SCIN: variants seen among roughly 807,000 people sequenced by gnomAD.
SCIN encodes scinderin, also known as adseverin.
Under a neutral mutation model 91.8 loss-of-function variants are expected in SCIN, and 91 were observed. That is an observed-to-expected ratio of 0.99 (90% CI 0.84 to 1.18). The LOEUF is 1.18. Among genes scored for constraint, SCIN ranks in the 50% most tolerant of loss-of-function variants. The pLI, the probability that SCIN is intolerant of heterozygous loss-of-function variation, is 0.00. For missense variants in SCIN, 1,087 were observed against 863.9 expected, an observed-to-expected ratio of 1.26 and a Z score of -3.24; for synonymous variants, 367 against 312.6, an observed-to-expected ratio of 1.17 and a Z score of -1.84.
At chr7:12,605,653 C>T (rs1263899447) in intron 4 of SCIN, among the ~76,000 whole-genome samples, 1 of 152,070 alleles carries the variant, frequency 6.6e-6, no homozygotes, top group African/African-American at 2.4e-5. Context: ...GGTGGAATTT[C>T]CACTTGTGGC....
At chr7:12,571,513 G>T in intron 1 of SCIN, 1 of 406,648 alleles carries the variant, frequency 2.5e-6, no homozygotes, top group Non-Finnish European at 5.0e-6. Flanking sequence ...CTATGATTGC[G>T]GGAATTATTG....
intron 4 of SCIN, among the ~76,000 whole-genome samples, chr7:12,618,590 G>C (rs1038518007): frequency 1.3e-5 from 2 of 152,060 alleles, no homozygotes; most frequent in African/African-American, 4.8e-5. Context: ...GGCTAAATAA[G>C]ACCACAGCTT....
chr7:12,636,525 G>C (rs959995303), intron 10 of SCIN, among the ~76,000 whole-genome samples: 1 of 152,132 alleles, frequency 6.6e-6, no homozygotes, highest in Non-Finnish European at 1.5e-5. Flanking sequence ...CAGGACCTGT[G>C]AGTGTGATAT....
intron 2 of SCIN, among the ~76,000 whole-genome samples, chr7:12,579,743 C>G (rs73062639): frequency 0.34 from 51,543 of 151,980 alleles, 9,350 homozygotes; most frequent in Middle Eastern, 0.44. Context: ...TGGTGAAACT[C>G]CCTCTACTAA....
intron 6 of SCIN, among the ~76,000 whole-genome samples, chr7:12,625,457 G>A (rs1348483662): frequency 1.3e-4 from 10 of 75,320 alleles, no homozygotes; most frequent in African/African-American, 2.2e-4. Context: ...TTTTTCCGTC[G>A]CCCAGGCTGG....
At position 12,651,834 on chromosome 7, in the gene SCIN, T is replaced by G; in HGVS notation, c.1960-7T>G. 1 of 1,554,820 alleles carries G rather than the reference T, an allele frequency of 6.4e-7. No homozygotes were observed. Among genetic ancestry groups the G allele is most frequent in the Non-Finnish European group, 8.8e-7 (1 of 1,135,520 alleles). ...ATCATACATATTGTTATTGTTTCAT[T>G]TTTCAGATATTTATTTGGATTGGCA... On this transcript the variant is annotated splice_polypyrimidine_tract_variant and splice_region_variant and intron_variant, in intron 14 of 15. Transcript: ENST00000297029. This position sits in a 1 kb window ranked among gnomAD's most constrained non-coding sequence, Gnocchi z 5.9.
chr7:12,571,644 T>G, intron 1 of SCIN: 1 of 453,164 alleles, frequency 2.2e-6, no homozygotes, highest in Non-Finnish European at 4.5e-6. Flanking sequence ...AAAATACAGA[T>G]ATTTTATATA....
chr7:12,653,657 G>A lies in SCIN; in HGVS notation c.*942G>A, dbSNP rs574854752. 21 of 152,172 alleles carry A rather than the reference G, an allele frequency of 1.4e-4. No individual in the cohort carries two copies. The South Asian group carries it at 3.7e-3, about 27-fold the overall frequency. The allele number at this position is 152,172 out of a possible 1,614,324, so 9.4% of individuals were successfully genotyped here. A position where few individuals can be genotyped will look rare whatever the true frequency, so the allele number is the denominator to read the frequency against. ...GTTATCCACTTAGATACATGTACAT[G>A]TACAGTACATGTTTAATATCACAGG... is the stretch of plus-strand genomic sequence containing the variant. On this transcript the variant is annotated 3_prime_UTR_variant, in exon 16 of 16. Coordinates refer to ENST00000297029, the MANE Select transcript of SCIN (RefSeq NM_001112706.3). The surrounding 1 kb of genome is among the most constrained non-coding windows in gnomAD (Gnocchi z 4.1).
intron 3 of SCIN, among the ~76,000 whole-genome samples, chr7:12,587,898 A>C (rs1035197865): frequency 1.3e-5 from 2 of 152,136 alleles, no homozygotes; most frequent in Non-Finnish European, 1.5e-5. Context: ...GATACACTCC[A>C]GCCCCTAAGA....
intron 7 of SCIN, chr7:12,626,298 A>G: frequency 2.5e-6 from 1 of 403,422 alleles, no homozygotes; most frequent in Non-Finnish European, 4.4e-6. Context: ...AAGGAACACA[A>G]TGAGATCATT....
Position 12,591,889 on chromosome 7 carries a change from C to T in SCIN, c.516+10668C>T, listed in dbSNP as rs546700230. 1.4e-4 allele frequency among the ~76,000 whole-genome samples: 22 copies of T among 152,028 alleles called. 1 individual carries two copies. The highest frequency in any genetic ancestry group is 3.9e-4 in the Admixed American group (6 of 15,270). On this transcript the variant is annotated intron_variant, in intron 3 of 15. Coordinates refer to ENST00000297029, the MANE Select transcript of SCIN (RefSeq NM_001112706.3). The stretch of plus-strand genomic sequence containing the variant: ...AGAGTTGGGCCTTGGAGGGGGAGAC[C>T]CTATACCCTTTGATAGCGAGAAAGT...
chr7:12,603,471 C>G lies in SCIN; in HGVS notation c.517-1043C>G, dbSNP rs988265239. Among the ~76,000 whole-genome samples, 102 of 151,998 alleles carry G rather than the reference C, an allele frequency of 6.7e-4. 2 individuals are homozygous for G. Among genetic ancestry groups the G allele is most frequent in the Non-Finnish European group, 2.9e-5 (2 of 68,030 alleles). On this transcript the variant is annotated intron_variant, in intron 3 of 15. Coordinates refer to ENST00000297029, the MANE Select transcript of SCIN (RefSeq NM_001112706.3). ...ATTTTTTTATAATGATGCTAAACCA[C>G]CCTTAAAAAACCTGTGTCAGTTTAT...
At position 12,657,380 on chromosome 7, in the gene SCIN, C is replaced by T. The variant is rs1014130902; in HGVS notation, c.*4665C>T. On this transcript the variant is annotated 3_prime_UTR_variant, in exon 16 of 16. Coordinates refer to ENST00000297029, the MANE Select transcript of SCIN (RefSeq NM_001112706.3). ...TCTAGGTGCGTGCCACCACGCCCAG[C>T]TAATTCTTTGTAGAGATGGGGTTTT... 1.3e-5 allele frequency: 2 copies of T among 149,804 alleles called. No homozygotes were observed. The highest frequency in any genetic ancestry group is 4.9e-5 in the African/African-American group (2 of 41,006). The allele number at this position is 149,804 out of a possible 1,614,324, so 9.3% of individuals were successfully genotyped here.
intron 3 of SCIN, among the ~76,000 whole-genome samples, chr7:12,599,070 C>G (rs1000663133): frequency 6.6e-6 from 1 of 152,018 alleles, no homozygotes; most frequent in African/African-American, 2.4e-5. Context: ...ATATATCACT[C>G]GTATGTAAAT....
intron 9 of SCIN, among the ~76,000 whole-genome samples, chr7:12,629,761 T>C (rs1213879789): frequency 2.6e-5 from 4 of 152,144 alleles, no homozygotes; most frequent in Admixed American, 6.5e-5. Context: ...GATGATTTAA[T>C]TGAAGTCTAA....
At chr7:12,629,314 C>A in intron 9 of SCIN, 92 bp downstream of exon 9, 1 of 1,183,952 alleles carries the variant, frequency 8.4e-7, no homozygotes, top group Non-Finnish European at 1.2e-6. Context: ...TAGAATAATC[C>A]TATAATCATC....
intron 11 of SCIN, among the ~76,000 whole-genome samples, chr7:12,642,819 G>A (rs924738866): frequency 3.3e-5 from 5 of 151,782 alleles, no homozygotes; most frequent in African/African-American, 4.8e-5. Flanking sequence ...GGGCTAGTTT[G>A]CTGCGTTTTC....
chr7:12,582,656 A>T (rs1782511091), intron 3 of SCIN, among the ~76,000 whole-genome samples: 1 of 152,166 alleles, frequency 6.6e-6, no homozygotes, highest in African/African-American at 2.4e-5. Context: ...TTTCAACTTC[A>T]ATAGCTAATT....
In SCIN at chr7:12,657,572, A is replaced by ATATTTT. The variant is rs1554298408; in HGVS notation, c.*4858_*4859insATTTTT. On this transcript the variant is annotated 3_prime_UTR_variant, in exon 16 of 16. Coordinates refer to ENST00000297029, the MANE Select transcript of SCIN (RefSeq NM_001112706.3). ...TATATATATATATATATATATATAT[A>ATATTTT]TTTTTTTTTTTTTTTTTTTTTTTTT... 5 of 22,084 alleles carry ATATTTT rather than the reference A, an allele frequency of 2.3e-4. No homozygotes were observed. The highest frequency in any genetic ancestry group is 3.9e-4 in the Non-Finnish European group (3 of 7,720). The allele number at this position is 22,084 out of a possible 1,614,324, so 1.4% of individuals were successfully genotyped here.
Sources: allele counts gnomAD v4.1 joint callset (sites outside exome capture counted in the v4.1 genomes callset), GRCh38; gene constraint gnomAD v4.1.1; non-coding constraint Gnocchi (gnomAD v3.1); transcripts MANE v1.5; gene names NCBI Gene and HGNC (gene_info 2026-07-23, HGNC 2026-07-21).